The following TRDN variants were observed in gnomAD, a reference collection of about 807,000 sequenced individuals.
The protein encoded by TRDN is triadin.
TRDN carries 161 observed loss-of-function variants against 149.7 expected under a neutral mutation model. The ratio of observed to expected loss-of-function variants is 1.08; its 90% CI spans 0.95 to 1.23. The LOEUF (loss-of-function observed/expected upper bound fraction) is 1.23, where lower values mean the gene tolerates loss of function less well. Among genes scored for constraint, TRDN ranks in the 50% most tolerant of loss-of-function variants. TRDN has a pLI of 0.00. For missense variants in TRDN, 896 were observed against 823.5 expected (o/e 1.09, Z -1.08); for synonymous variants, 294 against 250.5 (o/e 1.17, Z -1.64).
At chr6:123,356,860 C>T (rs1282142797) in intron 20 of TRDN, among the ~76,000 whole-genome samples, 2 of 150,148 alleles carry the variant, frequency 1.3e-5, no homozygotes, top group East Asian at 1.9e-4. Context: ...ATATTTTGTA[C>T]CTTCTCTGTT....
At chr6:123,501,513 A>G (rs1778699146) in intron 8 of TRDN, among the ~76,000 whole-genome samples, 1 of 152,056 alleles carries the variant, frequency 6.6e-6, no homozygotes, top group Non-Finnish European at 1.5e-5. Flanking sequence ...TAAAATCATA[A>G]TGTAATTAGT....
intron 26 of TRDN, among the ~76,000 whole-genome samples, 183 bp downstream of exon 26, chr6:123,278,135 A>G (rs541321144): frequency 3.5e-4 from 53 of 152,250 alleles, no homozygotes; most frequent in African/African-American, 1.3e-3. Flanking sequence ...CACCTATGCA[A>G]ATAGAGGTTT....
At chr6:123,294,262 C>G (rs1778112579) in intron 24 of TRDN, among the ~76,000 whole-genome samples, 1 of 152,084 alleles carries the variant, frequency 6.6e-6, no homozygotes, top group Non-Finnish European at 1.5e-5. Context: ...GGGCACTGAC[C>G]CCAGCTATAT....
chr6:123,430,380 A>G (rs1774285909), intron 12 of TRDN, among the ~76,000 whole-genome samples: 1 of 151,434 alleles, frequency 6.6e-6, no homozygotes, highest in Admixed American at 6.6e-5. Context: ...CAGGAGATTG[A>G]GACCACCCTG....
At chr6:123,281,012 T>G (rs1295933871) in intron 24 of TRDN, among the ~76,000 whole-genome samples, 1 of 152,040 alleles carries the variant, frequency 6.6e-6, no homozygotes, top group Admixed American at 6.6e-5. Context: ...AAAATGAATG[T>G]AGAAAAATAT....
intron 1 of TRDN, 131 bp from the exon 2 acceptor site, chr6:123,571,263 A>T: frequency 3.3e-6 from 3 of 907,974 alleles, no homozygotes; most frequent in Non-Finnish European, 1.6e-6. Flanking sequence ...CCTTAGTGGC[A>T]GGACAAAGCC....
chr6:123,352,432 A>C, intron 21 of TRDN, 107 bp downstream of exon 21: 1 of 1,500,986 alleles, frequency 6.7e-7, no homozygotes, highest in Non-Finnish European at 8.8e-7. Flanking sequence ...ATAAAGAGTA[A>C]TAGACTTAAA....
At chr6:123,381,526 A>T in intron 15 of TRDN, 136 bp from the exon 16 acceptor site, 1 of 764,704 alleles carries the variant, frequency 1.3e-6, no homozygotes, top group Non-Finnish European at 2.1e-6. Flanking sequence ...ATGAGGTGAA[A>T]TTTCACAGTG....
intron 24 of TRDN, among the ~76,000 whole-genome samples, chr6:123,308,019 C>T (rs992746010): frequency 2.6e-5 from 4 of 151,916 alleles, no homozygotes; most frequent in Non-Finnish European, 4.4e-5. Flanking sequence ...TCTCTTTCTC[C>T]CATCTCTAGT....
chr6:123,235,357 A>G (rs1007657065), intron 38 of TRDN, among the ~76,000 whole-genome samples: 1 of 152,066 alleles, frequency 6.6e-6, no homozygotes, highest in Non-Finnish European at 1.5e-5. Context: ...GACCTTGGGA[A>G]ACTGACAAGC....
At chr6:123,457,985 A>C (rs1462206426) in intron 10 of TRDN, among the ~76,000 whole-genome samples, 3 of 152,236 alleles carry the variant, frequency 2.0e-5, no homozygotes, top group Non-Finnish European at 2.9e-5. Flanking sequence ...GAGGAAACCC[A>C]GTCTTTCAGA....
intron 24 of TRDN, among the ~76,000 whole-genome samples, chr6:123,314,198 A>C (rs555534293): frequency 6.6e-6 from 1 of 152,236 alleles, no homozygotes; most frequent in East Asian, 1.9e-4. Flanking sequence ...ATACATGAAC[A>C]GACACTTTTC....
intron 27 of TRDN, 35 bp from the exon 28 acceptor site, chr6:123,273,398 C>A: frequency 2.2e-6 from 2 of 899,058 alleles, no homozygotes; most frequent in Non-Finnish European, 1.5e-6. Context: ...GATTAAATTA[C>A]CTGCAAAATG....
chr6:123,400,775 T>C (rs765148543), intron 12 of TRDN, among the ~76,000 whole-genome samples: 6 of 152,188 alleles, frequency 3.9e-5, no homozygotes, highest in African/African-American at 7.2e-5. Flanking sequence ...CTAATATTAG[T>C]AAGCAGTATA....
chr6:123,259,757 T>A (rs1776695451), intron 34 of TRDN, 95 bp from the exon 35 acceptor site: 1 of 847,292 alleles, frequency 1.2e-6, no homozygotes, highest in Non-Finnish European at 1.8e-6. Context: ...AGACTTAATC[T>A]TATGAGTGGA....
chr6:123,377,296 T>A (rs1274611842), intron 18 of TRDN, among the ~76,000 whole-genome samples: 2 of 152,190 alleles, frequency 1.3e-5, no homozygotes, highest in Admixed American at 1.3e-4. Flanking sequence ...AACAAAGCGA[T>A]GTATAATGCA....
At chr6:123,515,352 T>G (rs1056734763) in intron 6 of TRDN, among the ~76,000 whole-genome samples, 28 of 151,922 alleles carry the variant, frequency 1.8e-4, no homozygotes, top group Admixed American at 1.6e-3. Flanking sequence ...AAGAACTTAA[T>G]GAATAAAATA....
intron 1 of TRDN, among the ~76,000 whole-genome samples, chr6:123,574,542 G>T (rs954417766): frequency 1.1e-4 from 17 of 151,842 alleles, no homozygotes; most frequent in Admixed American, 2.6e-4. Context: ...ATAATGATTT[G>T]CAGCAAAGTA....
At chr6:123,364,627 A>G (rs1389582202) in intron 20 of TRDN, among the ~76,000 whole-genome samples, 1 of 152,234 alleles carries the variant, frequency 6.6e-6, no homozygotes, top group Non-Finnish European at 1.5e-5. Context: ...CAGCCTGGTG[A>G]CAGAGAAAGA....
Sources: gnomAD v4.1 joint callset for allele counts (sites outside exome capture counted in the v4.1 genomes callset) on GRCh38, gnomAD v4.1.1 for gene constraint, MANE v1.5 for transcripts, NCBI Gene and HGNC (gene_info 2026-07-23, HGNC 2026-07-21) for gene names.